IMMP2L: variants seen among roughly 807,000 people sequenced by gnomAD.
The protein encoded by IMMP2L is mitochondrial inner membrane protease subunit 2.
Under a neutral mutation model 19.3 loss-of-function variants are expected in IMMP2L, and 18 were observed. The ratio of observed to expected loss-of-function variants is 0.93; its 90% CI spans 0.64 to 1.38. The LOEUF is 1.38. IMMP2L is among the 40% of genes most tolerant of loss of function. The pLI is 0.00. For missense variants in IMMP2L, 233 were observed against 218.2 expected, an observed-to-expected ratio of 1.07 and a Z score of -0.43; for synonymous variants, 76 against 73.0, an observed-to-expected ratio of 1.04 and a Z score of -0.21.
chr7:111,393,729 T>C (rs1832610960), intron 3 of IMMP2L, among the ~76,000 whole-genome samples: 1 of 152,162 alleles, frequency 6.6e-6, no homozygotes, highest in Non-Finnish European at 1.5e-5. Context: ...GAGTACAACT[T>C]TGAAATCTAA....
At chr7:111,281,506 T>C (rs544152539) in intron 3 of IMMP2L, among the ~76,000 whole-genome samples, 2 of 152,266 alleles carry the variant, frequency 1.3e-5, no homozygotes, top group East Asian at 1.9e-4. Flanking sequence ...ATATACTTCA[T>C]AATTTAACCT....
chr7:111,019,958 A>T (rs1168994981), intron 3 of IMMP2L, among the ~76,000 whole-genome samples: 1 of 152,098 alleles, frequency 6.6e-6, no homozygotes, highest in Non-Finnish European at 1.5e-5. Context: ...TTTCCGGATC[A>T]CCAGAAGGAT....
intron 3 of IMMP2L, among the ~76,000 whole-genome samples, chr7:111,278,936 T>A (rs973519370): frequency 1.3e-5 from 2 of 152,058 alleles, no homozygotes; most frequent in African/African-American, 4.8e-5. Context: ...AGTCATCAGT[T>A]CTATGAGAAT....
intron 3 of IMMP2L, among the ~76,000 whole-genome samples, chr7:111,464,652 G>A (rs1840444509): frequency 6.6e-6 from 1 of 152,078 alleles, no homozygotes; most frequent in Non-Finnish European, 1.5e-5. Flanking sequence ...CTATTATTAT[G>A]ATTAATTTTT....
At chr7:111,168,576 T>G (rs529944661) in intron 3 of IMMP2L, among the ~76,000 whole-genome samples, 1 of 151,948 alleles carries the variant, frequency 6.6e-6, no homozygotes, top group African/African-American at 2.4e-5. Context: ...TTTGCTTTTT[T>G]ACCCCTGCCT....
At chr7:110,796,574 C>A (rs966386801) in intron 5 of IMMP2L, among the ~76,000 whole-genome samples, 1 of 151,994 alleles carries the variant, frequency 6.6e-6, no homozygotes, top group Middle Eastern at 3.2e-3. Flanking sequence ...ATCTCAATTT[C>A]TTTCAAATAC....
chr7:111,174,508 G>A (rs890199160), intron 3 of IMMP2L, among the ~76,000 whole-genome samples: 9 of 151,484 alleles, frequency 5.9e-5, no homozygotes, highest in African/African-American at 2.2e-4. Flanking sequence ...AAATATTACC[G>A]AATTTCAAGG....
intron 4 of IMMP2L, among the ~76,000 whole-genome samples, chr7:110,902,949 A>C (rs1313743594): frequency 6.7e-6 from 1 of 150,374 alleles, no homozygotes; most frequent in African/African-American, 2.5e-5. Context: ...AAAAAAAAAA[A>C]AAAAAAAGAG....
At position 111,489,481 on chromosome 7, in the gene IMMP2L, A is replaced by G. The variant is rs1445935354; in HGVS notation, c.136-2140T>C. Among the ~76,000 whole-genome samples the G allele has an allele frequency of 2.0e-5, 3 of 152,160 alleles. No individual in the cohort carries two copies. In the East Asian group the frequency reaches 5.8e-4, roughly 29 times the overall value. The stretch of plus-strand genomic sequence containing the variant: ...CCTCTCCGCCTTCACTGAGGGGCTG[A>G]TGACAGCAGCCAGTGGAGACACAAC... On this transcript the variant is annotated intron_variant, in intron 2 of 5. Transcript: ENST00000405709.
chr7:110,966,889 T>A (rs1241428821), intron 3 of IMMP2L, among the ~76,000 whole-genome samples: 2 of 152,044 alleles, frequency 1.3e-5, no homozygotes, highest in African/African-American at 2.4e-5. Context: ...CACTTTCCTA[T>A]CTCCTAGAAA....
intron 5 of IMMP2L, among the ~76,000 whole-genome samples, chr7:110,683,709 A>G (rs1015902554): frequency 6.6e-6 from 1 of 152,154 alleles, no homozygotes; most frequent in Admixed American, 6.5e-5. Context: ...ATATTGGTCC[A>G]ATGTCAGTCC....
At chr7:111,198,443 G>A (rs1341825670) in intron 3 of IMMP2L, among the ~76,000 whole-genome samples, 2 of 151,812 alleles carry the variant, frequency 1.3e-5, no homozygotes, top group Non-Finnish European at 2.9e-5. Context: ...GCTGCTGTGT[G>A]GATCAACTTA....
At chr7:110,804,746 C>G (rs535475112) in intron 5 of IMMP2L, among the ~76,000 whole-genome samples, 2 of 152,074 alleles carry the variant, frequency 1.3e-5, no homozygotes, top group Non-Finnish European at 2.9e-5. Context: ...CCCGCTGGGG[C>G]TGGAATACCA....
At chr7:111,130,200 A>G (rs1323371055) in intron 3 of IMMP2L, among the ~76,000 whole-genome samples, 1 of 152,176 alleles carries the variant, frequency 6.6e-6, no homozygotes, top group African/African-American at 2.4e-5. Flanking sequence ...TAAATAACTC[A>G]CAGATATGTC....
At position 111,539,194 on chromosome 7, in the gene IMMP2L, GGGAGAAAGAAAGAAAGAAAGAA is replaced by G. The variant is rs1848233482; in HGVS notation, c.-2-17767_-2-17746del. 2.6e-4 allele frequency among the ~76,000 whole-genome samples: 16 copies of G among 60,894 alleles called. 2 individuals carry two copies. Among genetic ancestry groups the G allele is most frequent in the African/African-American group, 1.0e-3 (14 of 13,758 alleles). The allele number at this position is 60,894 out of a possible 152,430, so 39.9% of individuals were successfully genotyped here. ...AAGGAAGGAAGGAAGGAAGGAAGGA[GGGAGAAAGAAAGAAAGAAAGAA>G]AGAAAGAAAGAAAGAAAGAAAGAAA... On this transcript the variant is annotated intron_variant, in intron 1 of 5. Transcript: ENST00000405709.
intron 5 of IMMP2L, among the ~76,000 whole-genome samples, chr7:110,738,962 T>A (rs1014759690): frequency 6.6e-6 from 1 of 152,174 alleles, no homozygotes; most frequent in Non-Finnish European, 1.5e-5. Flanking sequence ...CTAGTGAAAC[T>A]AAGCTTCATA....
intron 5 of IMMP2L, among the ~76,000 whole-genome samples, chr7:110,861,098 T>TGTGTGTGA (rs780880935): frequency 2.0e-4 from 29 of 141,720 alleles, no homozygotes; most frequent in Admixed American, 3.5e-4. Context: ...TGTGTGTGTG[T>TGTGTGTGA]GAGAGAGAGA....
At chr7:111,211,063 T>G (rs1811255922) in intron 3 of IMMP2L, among the ~76,000 whole-genome samples, 2 of 152,144 alleles carry the variant, frequency 1.3e-5, no homozygotes, top group African/African-American at 4.8e-5. Flanking sequence ...AAATATGTAT[T>G]GAGTCAGTAT....
At chr7:111,281,198 GAAAGAAAGAAAGAAAGAA>G (rs1246688872) in intron 3 of IMMP2L, among the ~76,000 whole-genome samples, 2,574 of 45,438 alleles carry the variant, frequency 0.057, 117 homozygotes, top group Middle Eastern at 0.11. Context: ...AAGAAAGAAA[GAAAGAAAGAAAGAAAGAA>G]AAAGAAAGAA....
Sources: gnomAD v4.1 joint callset for allele counts (sites outside exome capture counted in the v4.1 genomes callset) on GRCh38, gnomAD v4.1.1 for gene constraint, MANE v1.5 for transcripts, NCBI Gene and HGNC (gene_info 2026-07-23, HGNC 2026-07-21) for gene names.